Variants in EDIL3 observed in about 807,000 individuals in gnomAD.
EDIL3 encodes the protein EGF like and discoidin domains 3, also known as EGF-like repeat and discoidin I-like domain-containing protein 3.
A neutral mutation model predicts 67.4 loss-of-function variants in EDIL3; 37 were observed. The observed-to-expected ratio is 0.55, with a 90% CI of 0.42 to 0.72. The LOEUF is 0.72. EDIL3 is among the 30% of genes least tolerant of loss of function. The pLI is 0.00. For missense variants in EDIL3, 527 were observed against 586.3 expected, an observed-to-expected ratio of 0.90 and a Z score of 1.04; for synonymous variants, 195 against 196.3, an observed-to-expected ratio of 0.99 and a Z score of 0.05.
intron 9 of EDIL3, among the ~76,000 whole-genome samples, chr5:84,046,794 T>C (rs1746231810): frequency 6.6e-6 from 1 of 152,196 alleles, no homozygotes; most frequent in African/African-American, 2.4e-5. Flanking sequence ...CACACAGGAA[T>C]CAGAAGTCAT....
At chr5:84,090,818 C>G (rs1014919382) in intron 6 of EDIL3, among the ~76,000 whole-genome samples, 2 of 151,524 alleles carry the variant, frequency 1.3e-5, no homozygotes, top group Non-Finnish European at 2.9e-5. Context: ...CGTGGTGGTG[C>G]GTGCCTGTAG....
chr5:84,158,094 C>A (rs971403103), intron 4 of EDIL3, among the ~76,000 whole-genome samples: 1 of 152,012 alleles, frequency 6.6e-6, no homozygotes, highest in Non-Finnish European at 1.5e-5. Flanking sequence ...AGGAAAGATT[C>A]TTTAAAAATT....
chr5:84,067,577 T>C (rs530984639), intron 6 of EDIL3, among the ~76,000 whole-genome samples: 1 of 152,332 alleles, frequency 6.6e-6, no homozygotes, highest in African/African-American at 2.4e-5. Flanking sequence ...ATTAAGTTAA[T>C]GATTCAGATA....
At chr5:84,177,673 A>G (rs1000263256) in intron 4 of EDIL3, among the ~76,000 whole-genome samples, 1 of 152,118 alleles carries the variant, frequency 6.6e-6, no homozygotes, top group Non-Finnish European at 1.5e-5. Flanking sequence ...AGGAGGAGGG[A>G]TATATGGGAC....
chr5:84,070,496 A>AG (rs1465972069), intron 6 of EDIL3, among the ~76,000 whole-genome samples: 3 of 152,292 alleles, frequency 2.0e-5, no homozygotes, highest in South Asian at 4.1e-4. Context: ...ACACCTTGCA[A>AG]GGGGGACAAG....
In EDIL3 at chr5:83,941,941, T is replaced by G. The variant is rs1744230952; in HGVS notation, c.*1478A>C. 1 of 152,058 alleles carries G rather than the reference T, an allele frequency of 6.6e-6. No homozygotes were observed. The allele number at this position is 152,058 out of a possible 1,614,324, so 9.4% of individuals were successfully genotyped here. ...GACAGACAAGACAGTAACAGTCTAG[T>G]GGCTTTTGTTATGCAGCACAAATAT... On this transcript the variant is annotated 3_prime_UTR_variant, in exon 11 of 11. Transcript: ENST00000296591.
Position 84,319,458 on chromosome 5 carries a change from C to T in EDIL3, c.67+64850G>A, listed in dbSNP as rs1428037700. ...CCGCCTGGGCGACAGAACGAGACTC[C>T]GTCTCAAAAAAAAAAAAACAAAAAA... On this transcript the variant is annotated intron_variant, in intron 1 of 10. Transcript: ENST00000296591. Among the ~76,000 whole-genome samples the T allele has an allele frequency of 1.8e-4, 12 of 66,778 alleles. 1 individual carries two copies. Among genetic ancestry groups the T allele is most frequent in the East Asian group, 1.3e-3 (4 of 3,166 alleles). 43.8% of individuals were successfully genotyped at this position (66,778 alleles called of 152,430 possible). A position where few individuals can be genotyped will look rare whatever the true frequency, so the allele number is the denominator to read the frequency against.
At chr5:84,090,052 A>G (rs888301091) in intron 6 of EDIL3, among the ~76,000 whole-genome samples, 2 of 152,330 alleles carry the variant, frequency 1.3e-5, no homozygotes, top group Non-Finnish European at 2.9e-5. Context: ...GAGGTTGTGA[A>G]TATTTTCACA....
At chr5:84,009,309 T>G (rs1253018697) in intron 9 of EDIL3, among the ~76,000 whole-genome samples, 1 of 152,204 alleles carries the variant, frequency 6.6e-6, no homozygotes, top group East Asian at 1.9e-4. Flanking sequence ...ATTGTGGAAG[T>G]GATCATCATT....
intron 1 of EDIL3, among the ~76,000 whole-genome samples, chr5:84,262,660 T>TTTTTTTTTTTTTTTA: frequency 4.4e-5 from 1 of 22,644 alleles, no homozygotes; most frequent in Admixed American, 5.0e-4. Context: ...GGTTGGTTGG[T>TTTTTTTTTTTTTTTA]TTTTTTTTTT....
chr5:84,192,627 T>G (rs1441810869), intron 3 of EDIL3, among the ~76,000 whole-genome samples: 1 of 152,044 alleles, frequency 6.6e-6, no homozygotes, highest in East Asian at 1.9e-4. Flanking sequence ...ATTGGTTCAT[T>G]TGTTCACTTA....
At chr5:84,113,397 G>A (rs1364511201) in intron 5 of EDIL3, among the ~76,000 whole-genome samples, 2 of 152,134 alleles carry the variant, frequency 1.3e-5, no homozygotes, top group African/African-American at 4.8e-5. Context: ...GACTGGAAGT[G>A]CCTTCTGACC....
chr5:84,238,862 A>G (rs1005762770), intron 2 of EDIL3, among the ~76,000 whole-genome samples: 2 of 152,066 alleles, frequency 1.3e-5, no homozygotes, highest in African/African-American at 4.8e-5. Context: ...GCCTAACTTT[A>G]AGGCAATGAA....
rs1313147324 is a variant in EDIL3 at position 83,942,187 on chromosome 5, A to C, written c.*1232T>G. On this transcript the variant is annotated 3_prime_UTR_variant, in exon 11 of 11. Coordinates refer to ENST00000296591, the MANE Select transcript of EDIL3 (RefSeq NM_005711.5). Reference sequence around the variant, plus strand: ...AATGAAACCTCCAGTATCAATAACAAATTGTTATGATAATTGCTTATTTTT... The same window carrying C: ...AATGAAACCTCCAGTATCAATAACACATTGTTATGATAATTGCTTATTTTT... The C allele has an allele frequency of 1.3e-5, 2 of 152,026 alleles. No individual in the cohort carries two copies. Among genetic ancestry groups the C allele is most frequent in the Non-Finnish European group, 2.9e-5 (2 of 67,950 alleles). 9.4% of individuals were successfully genotyped at this position (152,026 alleles called of 1,614,324 possible).
intron 5 of EDIL3, among the ~76,000 whole-genome samples, chr5:84,110,866 G>A (rs754538035): frequency 6.6e-6 from 1 of 152,090 alleles, no homozygotes; most frequent in Admixed American, 6.6e-5. Context: ...AGGATGTAAT[G>A]GAGTTTTCAC....
intron 9 of EDIL3, among the ~76,000 whole-genome samples, chr5:83,980,699 T>TA (rs1744955935): frequency 1.5e-5 from 2 of 129,534 alleles, no homozygotes; most frequent in Non-Finnish European, 3.4e-5. Flanking sequence ...ATATATATAT[T>TA]TATATATAAT....
At chr5:83,960,952 G>T (rs1249606730) in intron 10 of EDIL3, among the ~76,000 whole-genome samples, 1 of 150,948 alleles carries the variant, frequency 6.6e-6, no homozygotes, top group Non-Finnish European at 1.5e-5. Flanking sequence ...CAAATTATAT[G>T]CTGCATAGAA....
intron 1 of EDIL3, among the ~76,000 whole-genome samples, chr5:84,269,157 T>C (rs1745411392): frequency 6.6e-6 from 1 of 152,192 alleles, no homozygotes; most frequent in Non-Finnish European, 1.5e-5. Context: ...AATGGCACAT[T>C]GTTCCATTTC....
In EDIL3 at chr5:84,015,371, A is replaced by G. The variant is rs1469310876; in HGVS notation, c.1137+44929T>C. On this transcript the variant is annotated intron_variant, in intron 9 of 10. Coordinates refer to ENST00000296591, the MANE Select transcript of EDIL3 (RefSeq NM_005711.5). ...GAAATGAAATGCTGCTCTGGTTCTC[A>G]GGCAAATATTTTAGGCCCAGACTCA... 2.6e-5 allele frequency among the ~76,000 whole-genome samples: 4 copies of G among 152,238 alleles called. No individual in the cohort carries two copies. The East Asian group carries it at 7.7e-4, about 29-fold the overall frequency.
Sources: allele counts gnomAD v4.1 joint callset (sites outside exome capture counted in the v4.1 genomes callset), GRCh38; gene constraint gnomAD v4.1.1; transcripts MANE v1.5; gene names NCBI Gene and HGNC (gene_info 2026-07-23, HGNC 2026-07-21).